The following UTRN variants were observed in gnomAD, a reference collection of about 807,000 sequenced individuals.
UTRN encodes utrophin.
Under a neutral mutation model 463.9 loss-of-function variants are expected in UTRN, and 283 were observed. The ratio of observed to expected loss-of-function variants is 0.61; its 90% CI spans 0.55 to 0.67. The LOEUF is 0.67. Ranked by LOEUF, UTRN falls within the 30% of genes least tolerant of loss-of-function variation. The probability of loss-of-function intolerance (pLI) is 0.00; values close to 1 mark genes in which losing one functional copy is unlikely to be tolerated. For synonymous variants in UTRN, 1,442 were observed against 1,431.5 expected, an observed-to-expected ratio of 1.01 and a Z score of -0.17; for missense variants, 3,922 against 4,084.3, an observed-to-expected ratio of 0.96 and a Z score of 1.08.
chr6:144,609,979 G>A (rs947354401), intron 51 of UTRN, among the ~76,000 whole-genome samples: 1 of 151,472 alleles, frequency 6.6e-6, no homozygotes, highest in Admixed American at 6.6e-5. Context: ...CAAGAAAGAA[G>A]AAATATCATG....
At chr6:144,703,915 A>T (rs796901339) in intron 53 of UTRN, among the ~76,000 whole-genome samples, 2 of 152,264 alleles carry the variant, frequency 1.3e-5, no homozygotes, top group African/African-American at 4.8e-5. Context: ...CTGAGTAGTG[A>T]ATTATGAAAT....
intron 51 of UTRN, among the ~76,000 whole-genome samples, chr6:144,663,116 A>T (rs1457533430): frequency 6.6e-6 from 1 of 152,178 alleles, no homozygotes; most frequent in East Asian, 1.9e-4. Flanking sequence ...TTATGTTCCT[A>T]CAAGATGACA....
rs1469308581 is a variant in UTRN at position 144,794,066 on chromosome 6, G to T, written c.9078+75G>T. ...GAGGATGTTCTGAGACATGGAATAG[G>T]GAACTCGGGCTGGAGCCAAATACTG... On this transcript the variant is annotated intron_variant, in intron 63 of 74. Coordinates refer to ENST00000367545, the MANE Select transcript of UTRN (RefSeq NM_007124.3). 4 of 1,548,384 alleles carry T rather than the reference G, an allele frequency of 2.6e-6. No individual in the cohort carries two copies. The African/African-American group carries it at 5.5e-5, about 21-fold the overall frequency.
chr6:144,533,392 A>G, intron 43 of UTRN, 132 bp downstream of exon 43: 1 of 1,415,274 alleles, frequency 7.1e-7, no homozygotes, highest in Non-Finnish European at 9.3e-7. Context: ...TAAGACCTCC[A>G]CTGCCCACGT....
intron 2 of UTRN, among the ~76,000 whole-genome samples, chr6:144,359,361 C>T (rs1388844616): frequency 6.6e-6 from 1 of 152,152 alleles, no homozygotes; most frequent in Non-Finnish European, 1.5e-5. Flanking sequence ...AGTAGAACAG[C>T]CTGGCACTGA....
chr6:144,359,772 A>T (rs1778885619), intron 2 of UTRN, among the ~76,000 whole-genome samples: 1 of 150,186 alleles, frequency 6.7e-6, no homozygotes. Context: ...GTTAAAGTTG[A>T]AATTCATCCC....
chr6:144,293,319 A>G (rs1006298258), intron 2 of UTRN, among the ~76,000 whole-genome samples: 1 of 152,140 alleles, frequency 6.6e-6, no homozygotes, highest in African/African-American at 2.4e-5. Context: ...GACCTTTGAT[A>G]TTTATAACTT....
At chr6:144,421,242 C>T (rs1784809012) in intron 3 of UTRN, among the ~76,000 whole-genome samples, 1 of 152,104 alleles carries the variant, frequency 6.6e-6, no homozygotes, top group Non-Finnish European at 1.5e-5. Flanking sequence ...TCTGAGCTTG[C>T]CTCGGCCTCC....
At chr6:144,410,960 A>G (rs1312430553) in intron 3 of UTRN, among the ~76,000 whole-genome samples, 2 of 151,970 alleles carry the variant, frequency 1.3e-5, no homozygotes, top group Non-Finnish European at 1.5e-5. Flanking sequence ...CCTTTTCCAA[A>G]TGCCTACCTC....
chr6:144,648,776 G>A (rs1453595220), intron 51 of UTRN, among the ~76,000 whole-genome samples: 2 of 152,166 alleles, frequency 1.3e-5, no homozygotes, highest in African/African-American at 2.4e-5. Context: ...AGTCTGTCAA[G>A]ATCATGTCTT....
chr6:144,477,762 T>C (rs192483799), intron 25 of UTRN, among the ~76,000 whole-genome samples: 1 of 152,322 alleles, frequency 6.6e-6, no homozygotes, highest in Non-Finnish European at 1.5e-5. Flanking sequence ...CTCAATGTGC[T>C]ATAATCTGAT....
rs761020061 is a variant in UTRN at position 144,836,503 on chromosome 6, G to C, written c.10027G>C (p.Glu3343Gln). 1 of 1,613,740 alleles carries C rather than the reference G, an allele frequency of 6.2e-7. No individual in the cohort carries two copies. Among genetic ancestry groups the C allele is most frequent in the Non-Finnish European group, 8.5e-7 (1 of 1,179,960 alleles). Reference protein sequence around the residue: ...QILEDHNKQLESQLHRLRQLL... With the variant: ...QILEDHNKQLQSQLHRLRQLL... ...TTTAGAAGATCACAATAAACAGCTG[G>C]AGTCTCAGCTCCACCGCCTCCGACA... The change falls in exon 71 of 75, where the codon GAG becomes CAG. Residue 3343 changes from glutamate (E) to glutamine (Q), a missense_variant. Physicochemically the swap from Glu to Gln is conservative, Grantham distance 29 (BLOSUM62 2). Transcript: ENST00000367545.
At chr6:144,850,615 G>A (rs1343533689) in intron 74 of UTRN, among the ~76,000 whole-genome samples, 1 of 152,082 alleles carries the variant, frequency 6.6e-6, no homozygotes, top group East Asian at 1.9e-4. Context: ...AAGATGGTTG[G>A]CATTGTTAGG....
chr6:144,551,786 G>A (rs1051471043), intron 48 of UTRN, among the ~76,000 whole-genome samples: 1 of 152,072 alleles, frequency 6.6e-6, no homozygotes. Context: ...CCTCAGCCCG[G>A]CCTGTAATTA....
At chr6:144,318,721 C>T (rs1175852469) in intron 2 of UTRN, among the ~76,000 whole-genome samples, 2 of 152,188 alleles carry the variant, frequency 1.3e-5, no homozygotes, top group Non-Finnish European at 2.9e-5. Flanking sequence ...GTCTCGGGCT[C>T]CCAAAGTGCT....
chr6:144,685,648 C>G (rs1245826337), intron 52 of UTRN, among the ~76,000 whole-genome samples: 1 of 152,074 alleles, frequency 6.6e-6, no homozygotes, highest in Non-Finnish European at 1.5e-5. Flanking sequence ...GTTTGTTGCC[C>G]AGTTGTATAT....
At chr6:144,527,864 C>G (rs1432159464) in intron 41 of UTRN, among the ~76,000 whole-genome samples, 1 of 151,954 alleles carries the variant, frequency 6.6e-6, no homozygotes, top group Non-Finnish European at 1.5e-5. Flanking sequence ...TTATTTCACT[C>G]GAGATTTTTT....
intron 2 of UTRN, among the ~76,000 whole-genome samples, chr6:144,312,945 C>G (rs540988080): frequency 6.6e-6 from 1 of 152,318 alleles, no homozygotes; most frequent in African/African-American, 2.4e-5. Flanking sequence ...AAAGAAACCT[C>G]AAAATACAGT....
chr6:144,557,919 A>T (rs1279626857), intron 50 of UTRN, among the ~76,000 whole-genome samples: 2 of 152,232 alleles, frequency 1.3e-5, no homozygotes, highest in Non-Finnish European at 2.9e-5. Flanking sequence ...TTGAGAAACT[A>T]TAAACAGTGA....
Sources: gnomAD v4.1 joint callset for allele counts (sites outside exome capture counted in the v4.1 genomes callset) on GRCh38, gnomAD v4.1.1 for gene constraint, MANE v1.5 for transcripts, NCBI Gene and HGNC (gene_info 2026-07-23, HGNC 2026-07-21) for gene names.